ATP6V1G3: variants seen among roughly 807,000 people sequenced by gnomAD.
ATP6V1G3 encodes V-type proton ATPase subunit G 3.
ATP6V1G3 carries 9 observed loss-of-function variants against 9.3 expected under a neutral mutation model. The observed-to-expected ratio is 0.97, with a 90% CI of 0.59 to 1.69. The LOEUF (loss-of-function observed/expected upper bound fraction) is 1.69, where lower values mean the gene tolerates loss of function less well. ATP6V1G3 is among the 40% of genes most tolerant of loss of function. The probability of loss-of-function intolerance (pLI) is 0.00; values close to 1 mark genes in which losing one functional copy is unlikely to be tolerated. For synonymous variants in ATP6V1G3, 43 were observed against 43.8 expected (o/e 0.98, Z 0.07); for missense variants, 133 against 139.0 (o/e 0.96, Z 0.22).
At chr1:198,526,259 T>C (rs918350880) in intron 2 of ATP6V1G3, among the ~76,000 whole-genome samples, 3 of 152,128 alleles carry the variant, frequency 2.0e-5, no homozygotes, top group African/African-American at 4.8e-5. Flanking sequence ...GGAGTTTCAG[T>C]GAATGAATGT....
chr1:198,533,164 C>A (rs1358965708), intron 1 of ATP6V1G3, among the ~76,000 whole-genome samples: 1 of 151,862 alleles, frequency 6.6e-6, no homozygotes, highest in Non-Finnish European at 1.5e-5. Context: ...ATTAGGTGGA[C>A]ATGGTGGTGC....
At chr1:198,525,894 T>C (rs1463554636) in intron 2 of ATP6V1G3, among the ~76,000 whole-genome samples, 1 of 152,128 alleles carries the variant, frequency 6.6e-6, no homozygotes, top group Non-Finnish European at 1.5e-5. Context: ...CAGAGAGACT[T>C]ATAAAGATGA....
At chr1:198,538,040 G>A (rs1457593590) in intron 1 of ATP6V1G3, among the ~76,000 whole-genome samples, 3 of 152,194 alleles carry the variant, frequency 2.0e-5, no homozygotes, top group African/African-American at 2.4e-5. Context: ...AGGCAAAGAG[G>A]ACAGGCTGAC....
intron 1 of ATP6V1G3, among the ~76,000 whole-genome samples, chr1:198,529,925 C>T (rs1008608852): frequency 7.2e-5 from 11 of 152,002 alleles, no homozygotes; most frequent in East Asian, 1.9e-4. Context: ...ACAACATAAA[C>T]GAAAGTTTTA....
At chr1:198,532,751 C>A (rs1659954825) in intron 1 of ATP6V1G3, among the ~76,000 whole-genome samples, 2 of 152,016 alleles carry the variant, frequency 1.3e-5, no homozygotes, top group African/African-American at 2.4e-5. Flanking sequence ...GAAGGGTCCT[C>A]CAGGCAGAGG....
chr1:198,527,912 A>G (rs1179051211), intron 2 of ATP6V1G3, among the ~76,000 whole-genome samples: 1 of 152,222 alleles, frequency 6.6e-6, no homozygotes, highest in Non-Finnish European at 1.5e-5. Context: ...GGTGCTAACA[A>G]TTGAATAGAG....
intron 1 of ATP6V1G3, among the ~76,000 whole-genome samples, chr1:198,531,134 G>A (rs919182702): frequency 9.2e-5 from 14 of 152,114 alleles, no homozygotes; most frequent in African/African-American, 3.1e-4. Flanking sequence ...CCTTGTCATG[G>A]CACCAGTCAC....
At chr1:198,532,033 G>C (rs752137007) in intron 1 of ATP6V1G3, among the ~76,000 whole-genome samples, 18 of 152,118 alleles carry the variant, frequency 1.2e-4, no homozygotes, top group Non-Finnish European at 2.6e-4. Context: ...GCTGTCACTA[G>C]AGAAGCCTCT....
At chr1:198,531,535 CTG>C (rs1353056189) in intron 1 of ATP6V1G3, among the ~76,000 whole-genome samples, 1 of 152,136 alleles carries the variant, frequency 6.6e-6, no homozygotes, top group Non-Finnish European at 1.5e-5. Flanking sequence ...TAAAACAACT[CTG>C]TGTCGGAGAC....
intron 2 of ATP6V1G3, among the ~76,000 whole-genome samples, chr1:198,527,536 T>G (rs541941868): frequency 1.3e-5 from 2 of 152,306 alleles, no homozygotes; most frequent in South Asian, 4.1e-4. Flanking sequence ...ATCAGAAATA[T>G]CCTATATAAG....
intron 1 of ATP6V1G3, among the ~76,000 whole-genome samples, chr1:198,539,084 T>A (rs2103147273): frequency 6.6e-6 from 1 of 152,320 alleles, no homozygotes; most frequent in Non-Finnish European, 1.5e-5. Context: ...AAAGTTTGCC[T>A]TCACTATCTT....
intron 2 of ATP6V1G3, among the ~76,000 whole-genome samples, chr1:198,528,787 G>T (rs1399363359): frequency 6.6e-6 from 1 of 151,838 alleles, no homozygotes; most frequent in Non-Finnish European, 1.5e-5. Context: ...GTAGGAATGA[G>T]ACTTTAAGCA....
intron 2 of ATP6V1G3, among the ~76,000 whole-genome samples, chr1:198,525,291 A>G (rs1335109012): frequency 6.6e-6 from 1 of 152,184 alleles, no homozygotes; most frequent in Non-Finnish European, 1.5e-5. Context: ...CTAGTGGTAA[A>G]AAATTAAAAA....
chr1:198,531,834 T>C (rs968988322), intron 1 of ATP6V1G3, among the ~76,000 whole-genome samples: 1 of 152,114 alleles, frequency 6.6e-6, no homozygotes, highest in Non-Finnish European at 1.5e-5. Context: ...TTTAATAATC[T>C]ACCATAAAAA....
intron 1 of ATP6V1G3, 101 bp downstream of exon 1, chr1:198,540,468 A>G (rs1660299592): frequency 7.8e-7 from 1 of 1,280,392 alleles, no homozygotes; most frequent in Non-Finnish European, 1.1e-6. Context: ...ACAGTAAACC[A>G]AAGTTTGAAA....
chr1:198,529,509 C>A (rs73077371), intron 1 of ATP6V1G3, among the ~76,000 whole-genome samples: 1 of 151,940 alleles, frequency 6.6e-6, no homozygotes, highest in East Asian at 1.9e-4. Context: ...TTACTCACAG[C>A]AGTAATGCCA....
intron 2 of ATP6V1G3, among the ~76,000 whole-genome samples, chr1:198,523,820 A>G (rs1284145226): frequency 1.3e-5 from 2 of 152,222 alleles, no homozygotes; most frequent in Non-Finnish European, 1.5e-5. Flanking sequence ...ATACACATTT[A>G]TAATCATTAA....
At chr1:198,527,540 A>G (rs1156631929) in intron 2 of ATP6V1G3, among the ~76,000 whole-genome samples, 1 of 152,202 alleles carries the variant, frequency 6.6e-6, no homozygotes, top group Non-Finnish European at 1.5e-5. Flanking sequence ...GAAATATCCT[A>G]TATAAGATAA....
chr1:198,528,560 T>C (rs1419621480), intron 2 of ATP6V1G3, among the ~76,000 whole-genome samples: 2 of 152,118 alleles, frequency 1.3e-5, no homozygotes, highest in Non-Finnish European at 2.9e-5. Context: ...AAAGCATTTC[T>C]TTATCTCTAA....
Sources: gnomAD v4.1 joint callset for allele counts (sites outside exome capture counted in the v4.1 genomes callset) on GRCh38, gnomAD v4.1.1 for gene constraint, MANE v1.5 for transcripts, NCBI Gene and HGNC (gene_info 2026-07-23, HGNC 2026-07-21) for gene names.